The following ZNF804A variants were observed in gnomAD, a reference collection of about 807,000 sequenced individuals.
ZNF804A encodes the protein zinc finger protein 804A.
ZNF804A carries 2 observed loss-of-function variants against 16.5 expected under a neutral mutation model. The observed-to-expected ratio is 0.12, with a 90% CI of 0.05 to 0.38. The LOEUF is 0.38. Ranked by LOEUF, ZNF804A falls within the 10% of genes least tolerant of loss-of-function variation. The probability of loss-of-function intolerance (pLI) is 0.99; values close to 1 mark genes in which losing one functional copy is unlikely to be tolerated. For synonymous variants in ZNF804A, 534 were observed against 489.6 expected (o/e 1.09, Z -1.20); for missense variants, 1,473 against 1,390.7 (o/e 1.06, Z -0.94).
chr2:184,669,818 T>C (rs1692315893), intron 1 of ZNF804A, among the ~76,000 whole-genome samples: 1 of 151,886 alleles, frequency 6.6e-6, no homozygotes, highest in East Asian at 1.9e-4. Context: ...GTTTCAGCTT[T>C]TTAAGGACAA....
intron 1 of ZNF804A, among the ~76,000 whole-genome samples, chr2:184,691,724 T>C (rs1188116017): frequency 6.6e-6 from 1 of 151,864 alleles, no homozygotes; most frequent in East Asian, 1.9e-4. Context: ...AAGGATAGAA[T>C]AAGAAAATTT....
intron 1 of ZNF804A, among the ~76,000 whole-genome samples, chr2:184,834,809 G>A: frequency 6.6e-6 from 1 of 152,022 alleles, no homozygotes; most frequent in East Asian, 1.9e-4. Flanking sequence ...CAATTTCTCT[G>A]CATGTCAGTC....
chr2:184,891,761 A>G (rs1684987527), intron 2 of ZNF804A, among the ~76,000 whole-genome samples: 1 of 152,202 alleles, frequency 6.6e-6, no homozygotes, highest in African/African-American at 2.4e-5. Context: ...AACAATCGAC[A>G]AAGAATTAAC....
chr2:184,926,711 G>T (rs1449296047), intron 2 of ZNF804A, among the ~76,000 whole-genome samples: 4 of 151,922 alleles, frequency 2.6e-5, no homozygotes, highest in African/African-American at 7.3e-5. Flanking sequence ...TTTTGCTTTT[G>T]TCTCCTCTGA....
At position 184,745,141 on chromosome 2, in the gene ZNF804A, T is replaced by C. The variant is rs577036486; in HGVS notation, c.112-121228T>C. Among the ~76,000 whole-genome samples, 105 of 151,958 alleles carry C rather than the reference T, an allele frequency of 6.9e-4. 1 individual carries two copies. The highest frequency in any genetic ancestry group is 6.8e-3 in the Middle Eastern group (2 of 294). On this transcript the variant is annotated intron_variant, in intron 1 of 3. Coordinates refer to ENST00000302277, the MANE Select transcript of ZNF804A (RefSeq NM_194250.2). ...ATGCTTAGTGTATTATACCTATTTTTACATGTATAGCACAAAATAGATAAT... is the reference window on the plus strand; with the variant it reads ...ATGCTTAGTGTATTATACCTATTTTCACATGTATAGCACAAAATAGATAAT...
At chr2:184,626,873 A>G (rs1691511810) in intron 1 of ZNF804A, among the ~76,000 whole-genome samples, 1 of 152,212 alleles carries the variant, frequency 6.6e-6, no homozygotes, top group Non-Finnish European at 1.5e-5. Flanking sequence ...ATGAGCAGAG[A>G]AGACATTCAA....
At chr2:184,626,526 T>C (rs560477477) in intron 1 of ZNF804A, among the ~76,000 whole-genome samples, 1 of 152,322 alleles carries the variant, frequency 6.6e-6, no homozygotes, top group Admixed American at 6.5e-5. Flanking sequence ...TTATAAATTA[T>C]TATGACTACA....
chr2:184,871,100 CA>C (rs898597077), intron 2 of ZNF804A, among the ~76,000 whole-genome samples: 1 of 150,640 alleles, frequency 6.6e-6, no homozygotes, highest in Admixed American at 6.7e-5. Context: ...TCTTCTACTA[CA>C]AAATAAATAG....
intron 1 of ZNF804A, among the ~76,000 whole-genome samples, chr2:184,648,309 A>G (rs1691915727): frequency 6.6e-6 from 1 of 152,178 alleles, no homozygotes. Context: ...ACAAGAACAC[A>G]ATTAAATACA....
chr2:184,837,045 G>A (rs577979710), intron 1 of ZNF804A, among the ~76,000 whole-genome samples: 3 of 151,710 alleles, frequency 2.0e-5, no homozygotes, highest in Admixed American at 6.6e-5. Context: ...CTGCTTCTTC[G>A]CAGATCAGTT....
intron 1 of ZNF804A, among the ~76,000 whole-genome samples, chr2:184,767,094 T>C (rs1694139929): frequency 6.6e-6 from 1 of 152,174 alleles, no homozygotes; most frequent in African/African-American, 2.4e-5. Context: ...AACAGCACCT[T>C]GATCTTGGAT....
chr2:184,901,274 G>A (rs1344707), intron 2 of ZNF804A, among the ~76,000 whole-genome samples: 114,236 of 152,024 alleles, frequency 0.75, 43,120 homozygotes, highest in East Asian at 0.86. Flanking sequence ...AGGATAAAGA[G>A]GAGGGAACCA....
At chr2:184,601,333 C>T (rs1201944248) in intron 1 of ZNF804A, among the ~76,000 whole-genome samples, 1 of 151,854 alleles carries the variant, frequency 6.6e-6, no homozygotes, top group Non-Finnish European at 1.5e-5. Flanking sequence ...CTATACTCAC[C>T]CCAAAGTGAT....
intron 1 of ZNF804A, among the ~76,000 whole-genome samples, chr2:184,766,359 A>G (rs1050149236): frequency 3.9e-5 from 6 of 152,110 alleles, no homozygotes; most frequent in African/African-American, 7.2e-5. Flanking sequence ...ATAAATAACA[A>G]TTCTTTATTT....
chr2:184,676,683 A>G (rs1692441420), intron 1 of ZNF804A, among the ~76,000 whole-genome samples: 1 of 151,144 alleles, frequency 6.6e-6, no homozygotes, highest in African/African-American at 2.4e-5. Context: ...TCTATAATCT[A>G]TTAATAAAAA....
In ZNF804A at chr2:184,937,213, A is replaced by C. The variant is rs376361288; in HGVS notation, c.1817A>C (p.His606Pro). ...KKKRKKLCQHHHMEKTKESET... is the reference protein window; with the variant it reads ...KKKRKKLCQHPHMEKTKESET... ...AAAAGAAAAAAGTTATGTCAGCATC[A>C]TCATATGGAGAAAACCAAAGAATCA... Residue 606 changes from histidine to proline, a missense_variant, in exon 4 of 4, where the codon CAT (histidine) becomes CCT (proline). Coordinates refer to ENST00000302277, the MANE Select transcript of ZNF804A (RefSeq NM_194250.2). 3.4e-5 allele frequency: 55 copies of C among 1,607,100 alleles called. No individual in the cohort carries two copies. The highest frequency in any genetic ancestry group is 2.1e-4 in the Admixed American group (12 of 57,848).
At chr2:184,837,138 T>C (rs1006707155) in intron 1 of ZNF804A, among the ~76,000 whole-genome samples, 4 of 152,190 alleles carry the variant, frequency 2.6e-5, no homozygotes, top group African/African-American at 9.6e-5. Context: ...AGCGCTTACA[T>C]TACTTATATT....
At chr2:184,714,508 C>G (rs1351558223) in intron 1 of ZNF804A, among the ~76,000 whole-genome samples, 1 of 152,032 alleles carries the variant, frequency 6.6e-6, no homozygotes, top group East Asian at 1.9e-4. Flanking sequence ...AGGATGACTT[C>G]TACAGCTTGT....
At chr2:184,932,177 T>A (rs1685713379) in intron 2 of ZNF804A, among the ~76,000 whole-genome samples, 1 of 152,132 alleles carries the variant, frequency 6.6e-6, no homozygotes, top group African/African-American at 2.4e-5. Context: ...TCCACACTGT[T>A]CCAACCTCTG....
Sources: gnomAD v4.1 joint callset for allele counts (sites outside exome capture counted in the v4.1 genomes callset) on GRCh38, gnomAD v4.1.1 for gene constraint, MANE v1.5 for transcripts, NCBI Gene and HGNC (gene_info 2026-07-23, HGNC 2026-07-21) for gene names.